Variants in HLTF observed in about 807,000 individuals in gnomAD.
HLTF encodes the protein helicase like transcription factor.
Under a neutral mutation model 129.4 loss-of-function variants are expected in HLTF, and 127 were observed. The ratio of observed to expected loss-of-function variants is 0.98; its 90% CI spans 0.85 to 1.14. The LOEUF is 1.14. HLTF is among the 50% of genes most tolerant of loss of function. The pLI is 0.00. For missense variants in HLTF, 1,139 were observed against 1,187.1 expected (o/e 0.96, Z 0.60); for synonymous variants, 332 against 388.8 (o/e 0.85, Z 1.72).
chr3:149,045,324 C>G (rs1716452994), intron 18 of HLTF, among the ~76,000 whole-genome samples: 1 of 152,092 alleles, frequency 6.6e-6, no homozygotes, highest in Non-Finnish European at 1.5e-5. Context: ...CTTTGGCATT[C>G]CCCATCCCCT....
In HLTF at chr3:149,071,335, A is replaced by G. The variant is rs747488845; in HGVS notation, c.811T>C (p.Tyr271His). The G allele has an allele frequency of 5.0e-6, 8 of 1,612,714 alleles. No homozygotes were observed. The Admixed American group carries it at 8.3e-5, about 17-fold the overall frequency. Residue 271 changes from tyrosine to histidine, a missense_variant, in exon 7 of 25, where the codon TAC becomes CAC. Physicochemically the swap from Tyr to His is moderately conservative, Grantham distance 83 (BLOSUM62 2). Transcript: ENST00000310053. ...PPFWEQRNDL[Y>H]YNTITNFSEK... is the part of the protein sequence containing the mutation. Reference sequence around the variant, plus strand: ...GAAAAATTTGTTATTGTGTTATAGTATAAGTCATTTCGCTGTTCCCAGAAT... The same window carrying G: ...GAAAAATTTGTTATTGTGTTATAGTGTAAGTCATTTCGCTGTTCCCAGAAT...
intron 3 of HLTF, among the ~76,000 whole-genome samples, chr3:149,075,391 A>T (rs1434319364): frequency 1.3e-5 from 2 of 152,174 alleles, no homozygotes; most frequent in Non-Finnish European, 2.9e-5. Flanking sequence ...CTACTAAAAA[A>T]TACAAAAATT....
intron 13 of HLTF, 63 bp from the exon 14 acceptor site, chr3:149,055,463 G>A (rs1717356003): frequency 9.4e-7 from 1 of 1,058,394 alleles, no homozygotes; most frequent in African/African-American, 1.6e-5. Flanking sequence ...TGTCAATAAG[G>A]AGATGGCAAT....
chr3:149,061,181 C>T (rs1040879588), intron 10 of HLTF, among the ~76,000 whole-genome samples: 5 of 152,026 alleles, frequency 3.3e-5, no homozygotes, highest in African/African-American at 4.8e-5. Context: ...GTGATCATCC[C>T]GCCTTAGCCT....
At chr3:149,039,785 G>C in intron 21 of HLTF, 92 bp from the exon 22 acceptor site, 2 of 724,058 alleles carry the variant, frequency 2.8e-6, no homozygotes, top group Non-Finnish European at 4.3e-6. Context: ...GTCCTGAAAT[G>C]TTATTTCCCT....
In HLTF at chr3:149,073,924, A is replaced by G. The variant is rs369349908; in HGVS notation, c.529+291T>C. The stretch of plus-strand genomic sequence containing the variant: ...TTAAAGTCAGGGGTTTCCAGATGTT[A>G]CCATTAGGGAAAATTAGGGGAGGGT... On this transcript the variant is annotated intron_variant, in intron 4 of 24. Coordinates refer to ENST00000310053, the MANE Select transcript of HLTF (RefSeq NM_003071.4). Among the ~76,000 whole-genome samples the G allele has an allele frequency of 7.2e-5, 11 of 152,308 alleles. No individual in the cohort carries two copies. In the South Asian group the frequency reaches 8.3e-4, roughly 11 times the overall value.
intron 20 of HLTF, 51 bp from the exon 21 acceptor site, chr3:149,040,207 T>C (rs780112217): frequency 4.0e-6 from 6 of 1,511,412 alleles, no homozygotes; most frequent in South Asian, 2.5e-5. Context: ...AGAACAAATA[T>C]AAATATGCCT....
At chr3:149,049,054 TTAATA>T (rs1242027761) in intron 15 of HLTF, 53 bp from the exon 16 acceptor site, 2 of 1,229,376 alleles carry the variant, frequency 1.6e-6, no homozygotes, top group Non-Finnish European at 2.3e-6. Flanking sequence ...AAAATAGTAC[TTAATA>T]TGATTTGCTA....
At chr3:149,040,001 T>C (rs761078714) in intron 21 of HLTF, 30 bp downstream of exon 21, 8 of 1,581,048 alleles carry the variant, frequency 5.1e-6, no homozygotes, top group Non-Finnish European at 1.7e-6. Flanking sequence ...GTAAAACAAA[T>C]ACTCAAATAT....
chr3:149,038,970 G>A (rs1715877449), intron 23 of HLTF, 79 bp downstream of exon 23: 3 of 775,002 alleles, frequency 3.9e-6, no homozygotes, highest in Non-Finnish European at 5.9e-6. Flanking sequence ...TAACTATGAA[G>A]GTATTTACCA....
intron 7 of HLTF, 106 bp downstream of exon 7, chr3:149,071,146 C>A: frequency 1.5e-6 from 1 of 661,920 alleles, no homozygotes; most frequent in African/African-American, 1.8e-5. Flanking sequence ...AGATCTAGTC[C>A]CAAACTGGTA....
At chr3:149,048,364 T>C (rs569467301) in intron 16 of HLTF, among the ~76,000 whole-genome samples, 1 of 152,346 alleles carries the variant, frequency 6.6e-6, no homozygotes, top group South Asian at 2.1e-4. Context: ...TTTGCTCTAA[T>C]TTTTAGCTCT....
rs780491583 is a variant in HLTF, at chr3:149,060,635, A to G, written c.1285+8T>C. 2.3e-5 allele frequency: 36 copies of G among 1,599,244 alleles called. No homozygotes were observed. In the South Asian group the frequency reaches 3.9e-4, roughly 17 times the overall value. Reference sequence around the variant, plus strand: ...AGTCTAGATTATGGGTATATAGTATACACATACCTTTCGCCCTGCCTTTAG... The same window carrying G: ...AGTCTAGATTATGGGTATATAGTATGCACATACCTTTCGCCCTGCCTTTAG... On this transcript the variant is annotated splice_region_variant and intron_variant, in intron 12 of 24. Coordinates refer to ENST00000310053, the MANE Select transcript of HLTF (RefSeq NM_003071.4).
chr3:149,041,760 G>C, intron 19 of HLTF, 92 bp from the exon 20 acceptor site: 1 of 861,640 alleles, frequency 1.2e-6, no homozygotes, highest in Non-Finnish European at 1.8e-6. Context: ...CTTGCCAGTA[G>C]GGAAAGTCTC....
intron 24 of HLTF, among the ~76,000 whole-genome samples, chr3:149,032,957 C>CAAAAAAAAAAAAAA (rs67952189): frequency 3.0e-5 from 2 of 67,706 alleles, no homozygotes; most frequent in Non-Finnish European, 5.9e-5. Context: ...AGCGACGTCT[C>CAAAAAAAAAAAAAA]AAAAAAAAAA....
chr3:149,040,767 G>A (rs1716064610), intron 20 of HLTF, among the ~76,000 whole-genome samples: 1 of 152,080 alleles, frequency 6.6e-6, no homozygotes, highest in South Asian at 2.1e-4. Flanking sequence ...GAGGGAGAGG[G>A]TAAATGGTTG....
At chr3:149,085,004 G>T in intron 1 of HLTF, 115 bp from the exon 2 acceptor site, 4 of 725,936 alleles carry the variant, frequency 5.5e-6, no homozygotes, top group Non-Finnish European at 9.1e-6. Flanking sequence ...TGGGAATCAC[G>T]GTAAAGATTA....
intron 7 of HLTF, 38 bp downstream of exon 7, chr3:149,071,214 A>C (rs1277552078): frequency 7.7e-7 from 1 of 1,298,002 alleles, no homozygotes; most frequent in Non-Finnish European, 1.1e-6. Flanking sequence ...TCATAATCAC[A>C]AAATTAGATT....
In HLTF at chr3:149,063,471, T is replaced by C. The variant is rs1576606079; in HGVS notation, c.1120A>G (p.Lys374Glu). The change falls in exon 10 of 25, where the codon AAG (lysine) becomes GAG (glutamate). Residue 374 changes from lysine (K) to glutamate (E), a missense_variant. Transcript: ENST00000310053. ...CTAGACAATTCTGACATGCGAAACT[T>C]ACTCTTCTCCTTGATATCTGAAATA... is the stretch of plus-strand genomic sequence containing the variant. ...PSISDIKEKSKFRMSELSSSR... is the reference protein window; with the variant it reads ...PSISDIKEKSEFRMSELSSSR... 1 of 1,611,668 alleles carries C rather than the reference T, an allele frequency of 6.2e-7. No individual in the cohort carries two copies.
Sources: allele counts gnomAD v4.1 joint callset (sites outside exome capture counted in the v4.1 genomes callset), GRCh38; gene constraint gnomAD v4.1.1; transcripts MANE v1.5; gene names NCBI Gene and HGNC (gene_info 2026-07-23, HGNC 2026-07-21).